The following CDH23 variants were observed in gnomAD, a reference collection of about 807,000 sequenced individuals.
CDH23 encodes the protein cadherin related 23.
Under a neutral mutation model 317.1 loss-of-function variants are expected in CDH23, and 189 were observed. That is an observed-to-expected ratio of 0.60 (90% CI 0.53 to 0.67). The LOEUF is 0.67. CDH23 is among the 30% of genes least tolerant of loss of function. The pLI is 0.00. For missense variants in CDH23, 4,401 were observed against 4,592.4 expected, an observed-to-expected ratio of 0.96 and a Z score of 1.20; for synonymous variants, 1,839 against 1,876.8, an observed-to-expected ratio of 0.98 and a Z score of 0.52.
chr10:71,432,182 G>A (rs1445379468), intron 1 of CDH23, among the ~76,000 whole-genome samples: 4 of 152,150 alleles, frequency 2.6e-5, no homozygotes. Context: ...TGGAGGGGGT[G>A]GCAGAACGCA....
chr10:71,659,215 C>T (rs1467506467), intron 14 of CDH23, among the ~76,000 whole-genome samples: 1 of 152,166 alleles, frequency 6.6e-6, no homozygotes, highest in Admixed American at 6.5e-5. Context: ...TACAAGTGGC[C>T]AGCGCCAGAA....
chr10:71,581,709 T>C (rs942613628), intron 9 of CDH23, among the ~76,000 whole-genome samples: 3 of 152,198 alleles, frequency 2.0e-5, no homozygotes, highest in African/African-American at 7.2e-5. Context: ...CCCCATCTGC[T>C]CCCTCAGCCT....
At chr10:71,477,142 C>T (rs1851832419) in intron 3 of CDH23, among the ~76,000 whole-genome samples, 1 of 152,180 alleles carries the variant, frequency 6.6e-6, no homozygotes, top group Non-Finnish European at 1.5e-5. Context: ...TGTCTGAGGG[C>T]TAAGCCAGGT....
intron 6 of CDH23, among the ~76,000 whole-genome samples, chr10:71,530,149 C>T (rs773870655): frequency 3.9e-5 from 6 of 152,084 alleles, no homozygotes; most frequent in Middle Eastern, 3.2e-3. Flanking sequence ...TTAATATATG[C>T]TTCAGCAGCT....
chr10:71,556,655 T>C (rs1856890841), intron 6 of CDH23, among the ~76,000 whole-genome samples: 2 of 152,100 alleles, frequency 1.3e-5, no homozygotes, highest in South Asian at 2.1e-4. Flanking sequence ...AAAAACTGTT[T>C]TTAATTTTGA....
At chr10:71,806,881 G>A (rs1248399109) in intron 57 of CDH23, among the ~76,000 whole-genome samples, 3 of 152,214 alleles carry the variant, frequency 2.0e-5, no homozygotes, top group African/African-American at 7.2e-5. Context: ...TTGATATAGG[G>A]CTGACATGAA....
chr10:71,537,225 T>A lies in CDH23; in HGVS notation c.429+26013T>A, dbSNP rs190350684. Among the ~76,000 whole-genome samples the A allele has an allele frequency of 2.8e-3, 422 of 152,106 alleles. 2 individuals carry two copies. Among genetic ancestry groups the A allele is most frequent in the African/African-American group, 9.6e-3 (398 of 41,472 alleles). Reference sequence around the variant, plus strand: ...AGAGCAGCTTGGTTCCCTAATTGAATAATATGTGGAAATAATGGGATTTCT... The same window carrying A: ...AGAGCAGCTTGGTTCCCTAATTGAAAAATATGTGGAAATAATGGGATTTCT... On this transcript the variant is annotated intron_variant, in intron 6 of 69. Coordinates refer to ENST00000224721, the MANE Select transcript of CDH23 (RefSeq NM_022124.6).
chr10:71,492,536 C>T (rs572819218), intron 3 of CDH23, among the ~76,000 whole-genome samples: 1 of 152,348 alleles, frequency 6.6e-6, no homozygotes, highest in South Asian at 2.1e-4. Context: ...ATGTGCTTTG[C>T]AGAGATGGAA....
intron 41 of CDH23, among the ~76,000 whole-genome samples, chr10:71,782,056 C>A (rs940102983): frequency 6.6e-6 from 1 of 152,210 alleles, no homozygotes; most frequent in Non-Finnish European, 1.5e-5. Context: ...TTAAAGGTCA[C>A]CTTCCCAACA....
intron 11 of CDH23, among the ~76,000 whole-genome samples, chr10:71,618,896 TA>T (rs1034107834): frequency 2.8e-4 from 42 of 152,192 alleles, no homozygotes; most frequent in African/African-American, 8.9e-4. Flanking sequence ...AGGCATTCCA[TA>T]CCTATCTGTC....
chr10:71,538,928 G>A (rs1855846562), intron 6 of CDH23, among the ~76,000 whole-genome samples: 1 of 152,208 alleles, frequency 6.6e-6, no homozygotes, highest in Admixed American at 6.5e-5. Flanking sequence ...GAAATCAGGA[G>A]ACATGTGTAG....
chr10:71,620,959 C>T (rs10823803), intron 11 of CDH23, among the ~76,000 whole-genome samples: 5,746 of 152,240 alleles, frequency 0.038, 376 homozygotes, highest in East Asian at 0.3. Context: ...GTGAATGCAT[C>T]AGAGGACCAG....
intron 9 of CDH23, among the ~76,000 whole-genome samples, chr10:71,598,125 G>A (rs572420847): frequency 9.8e-5 from 15 of 152,372 alleles, no homozygotes; most frequent in Non-Finnish European, 2.2e-4. Context: ...AAAGCCGTAA[G>A]TCATCTTCCG....
At chr10:71,698,632 CT>C (rs1298985988) in intron 22 of CDH23, among the ~76,000 whole-genome samples, 2 of 152,286 alleles carry the variant, frequency 1.3e-5, no homozygotes, top group East Asian at 1.9e-4. Context: ...GAGCCCTTTC[CT>C]CCCTGACCCC....
At chr10:71,666,538 G>A (rs185095122) in intron 14 of CDH23, among the ~76,000 whole-genome samples, 7 of 152,242 alleles carry the variant, frequency 4.6e-5, no homozygotes, top group African/African-American at 1.7e-4. Context: ...ATCCAGCCCT[G>A]GCTTCCTTCT....
intron 17 of CDH23, among the ~76,000 whole-genome samples, chr10:71,679,722 G>T (rs1864533995): frequency 6.6e-6 from 1 of 152,208 alleles, no homozygotes; most frequent in South Asian, 2.1e-4. Context: ...TGGTTCTTAG[G>T]CCATGGCCAG....
chr10:71,815,389 G>GA lies in CDH23; in HGVS notation c.*111_*112insA. Reference sequence around the variant, plus strand: ...GGGGACCCTCCAAGGCCAGGCCTTGGGGACAACCTTGGCTTGGCCCTGGCA... The same window carrying GA: ...GGGGACCCTCCAAGGCCAGGCCTTGGAGGACAACCTTGGCTTGGCCCTGGCA... On this transcript the variant is annotated 3_prime_UTR_variant, in exon 70 of 70. Coordinates refer to ENST00000224721, the MANE Select transcript of CDH23 (RefSeq NM_022124.6). 1 of 1,094,342 alleles carries GA rather than the reference G, an allele frequency of 9.1e-7. No homozygotes were observed. The highest frequency in any genetic ancestry group is 1.3e-6 in the Non-Finnish European group (1 of 788,312). 67.8% of individuals were successfully genotyped at this position (1,094,342 alleles called of 1,614,324 possible).
At chr10:71,755,409 G>A (rs1417608101) in intron 38 of CDH23, 4 of 1,613,534 alleles carry the variant, frequency 2.5e-6, no homozygotes, top group Non-Finnish European at 3.4e-6. Flanking sequence ...CAGGATGAGG[G>A]GGAGGCAGAG....
chr10:71,606,858 GC>G (rs1860554949), intron 9 of CDH23, among the ~76,000 whole-genome samples: 1 of 152,140 alleles, frequency 6.6e-6, no homozygotes, highest in Non-Finnish European at 1.5e-5. Flanking sequence ...AGCTTGGGAA[GC>G]TTTGGGGAGG....
Sources: gnomAD v4.1 joint callset for allele counts (sites outside exome capture counted in the v4.1 genomes callset) on GRCh38, gnomAD v4.1.1 for gene constraint, MANE v1.5 for transcripts, NCBI Gene and HGNC (gene_info 2026-07-23, HGNC 2026-07-21) for gene names.